The following CLASP1 variants were observed in gnomAD, a reference collection of about 807,000 sequenced individuals.
The protein encoded by CLASP1 is CLIP-associating protein 1.
Under a neutral mutation model 192.3 loss-of-function variants are expected in CLASP1, and 38 were observed. That is an observed-to-expected ratio of 0.20 (90% CI 0.15 to 0.26). The LOEUF is 0.26. CLASP1 is among the 10% of genes least tolerant of loss of function. The pLI is 1.00. For synonymous variants in CLASP1, 691 were observed against 712.8 expected (o/e 0.97, Z 0.49); for missense variants, 1,433 against 1,932.5 (o/e 0.74, Z 4.85).
intron 2 of CLASP1, among the ~76,000 whole-genome samples, chr2:121,584,301 C>T (rs573967131): frequency 6.6e-6 from 1 of 152,242 alleles, no homozygotes; most frequent in African/African-American, 2.4e-5. Context: ...GTTACTGCAG[C>T]AGAAACAGAC....
chr2:121,633,518 C>G (rs1286594100), intron 1 of CLASP1, among the ~76,000 whole-genome samples: 1 of 152,172 alleles, frequency 6.6e-6, no homozygotes, highest in East Asian at 1.9e-4. Context: ...GTCCTGATTT[C>G]ATCAACATCT....
chr2:121,356,020 G>A (rs1403898338), intron 37 of CLASP1, among the ~76,000 whole-genome samples: 1 of 152,144 alleles, frequency 6.6e-6, no homozygotes, highest in African/African-American at 2.4e-5. Context: ...TCAGAATACT[G>A]GTGAATGTTT....
intron 33 of CLASP1, among the ~76,000 whole-genome samples, chr2:121,381,695 C>T (rs1382768526): frequency 6.6e-6 from 1 of 152,144 alleles, no homozygotes; most frequent in Non-Finnish European, 1.5e-5. Context: ...TTGGGGACTC[C>T]TTTCTGGATC....
At chr2:121,345,331 T>C (rs1322611765) in intron 39 of CLASP1, among the ~76,000 whole-genome samples, 3 of 151,964 alleles carry the variant, frequency 2.0e-5, no homozygotes, top group Non-Finnish European at 4.4e-5. Flanking sequence ...CAGCAGCGGG[T>C]CAATTGCCAA....
intron 37 of CLASP1, 122 bp downstream of exon 38, chr2:121,363,050 A>G: frequency 8.0e-7 from 1 of 1,255,522 alleles, no homozygotes; most frequent in South Asian, 1.5e-5. Context: ...GTATTACGAC[A>G]TGGCTGAGTT....
At chr2:121,427,714 T>C (rs560428106) in intron 20 of CLASP1, among the ~76,000 whole-genome samples, 9 of 152,194 alleles carry the variant, frequency 5.9e-5, no homozygotes, top group African/African-American at 2.2e-4. Context: ...AGGGAAGTGA[T>C]TGTAACTTAC....
intron 6 of CLASP1, among the ~76,000 whole-genome samples, chr2:121,522,403 C>T (rs1300895268): frequency 6.6e-6 from 1 of 152,174 alleles, no homozygotes; most frequent in African/African-American, 2.4e-5. Flanking sequence ...CTCCAAACTC[C>T]TGACCAAAGC....
intron 36 of CLASP1, chr2:121,364,860 A>C: frequency 1.8e-6 from 1 of 546,692 alleles, no homozygotes; most frequent in Non-Finnish European, 3.3e-6. Context: ...TTCCTCAACT[A>C]CTATAAACCC....
rs190481389 is a variant in CLASP1, at chr2:121,398,935, G to A, written c.2901-535C>T. On this transcript the variant is annotated intron_variant, in intron 28 of 39. Transcript: ENST00000263710. ...AGCTACAAATCACACACAGAAGCCT[G>A]GGGTCCCAGAAGCCCCTTCTCTCTC... 2.0e-5 allele frequency among the ~76,000 whole-genome samples: 3 copies of A among 152,316 alleles called. No individual in the cohort carries two copies. The East Asian group carries it at 5.8e-4, about 29-fold the overall frequency.
At chr2:121,547,707 C>T (rs540758287) in intron 2 of CLASP1, among the ~76,000 whole-genome samples, 8 of 152,234 alleles carry the variant, frequency 5.3e-5, no homozygotes, top group East Asian at 1.9e-4. Context: ...AGAGGGAACA[C>T]GGCTGCAACT....
intron 32 of CLASP1, 25 bp from the exon 34 acceptor site, chr2:121,382,349 C>G (rs1379994398): frequency 5.5e-6 from 8 of 1,443,166 alleles, no homozygotes; most frequent in Middle Eastern, 1.8e-4. Flanking sequence ...AGAGGAAAAT[C>G]AGAGAGAGAA....
intron 8 of CLASP1, among the ~76,000 whole-genome samples, chr2:121,474,114 G>T (rs1338622378): frequency 1.3e-5 from 2 of 151,788 alleles, no homozygotes; most frequent in East Asian, 3.9e-4. Context: ...TATAAAAGAT[G>T]ACTGACTGTT....
At chr2:121,465,610 G>C (rs999079124) in intron 9 of CLASP1, among the ~76,000 whole-genome samples, 2 of 152,092 alleles carry the variant, frequency 1.3e-5, no homozygotes, top group African/African-American at 4.8e-5. Flanking sequence ...GTAATTTATA[G>C]ATTCAATGCC....
intron 8 of CLASP1, among the ~76,000 whole-genome samples, chr2:121,496,670 G>C (rs2093548078): frequency 6.6e-6 from 1 of 152,132 alleles, no homozygotes; most frequent in Non-Finnish European, 1.5e-5. Context: ...AGCAAAAACA[G>C]GCACACAGTC....
At chr2:121,353,876 G>T (rs779030211) in intron 37 of CLASP1, among the ~76,000 whole-genome samples, 1 of 152,086 alleles carries the variant, frequency 6.6e-6, no homozygotes, top group Non-Finnish European at 1.5e-5. Context: ...CTGCAGCCTC[G>T]ATCTCCTGGG....
At chr2:121,470,393 C>T in intron 8 of CLASP1, 2 of 450,440 alleles carry the variant, frequency 4.4e-6, no homozygotes, top group South Asian at 3.2e-5. Flanking sequence ...AGGCATGAGC[C>T]ACTGTACTTG....
At chr2:121,338,135 T>G (rs1002494344) in exon 40 of CLASP1, 32 of 152,242 alleles carry the variant, frequency 2.1e-4, no homozygotes, top group African/African-American at 7.5e-4. Context: ...TTGCTGTCCT[T>G]TAAAGTGTAA....
chr2:121,447,002 G>C (rs2084468004), intron 19 of CLASP1, among the ~76,000 whole-genome samples: 1 of 152,156 alleles, frequency 6.6e-6, no homozygotes, highest in Admixed American at 6.5e-5. Flanking sequence ...GTCAGAGGGG[G>C]AAAAAACTTA....
intron 2 of CLASP1, among the ~76,000 whole-genome samples, chr2:121,601,853 C>A (rs1338218143): frequency 6.6e-6 from 1 of 151,938 alleles, no homozygotes; most frequent in East Asian, 1.9e-4. Flanking sequence ...TATACACCAA[C>A]AACAAACTAG....
Sources: allele counts gnomAD v4.1 joint callset (sites outside exome capture counted in the v4.1 genomes callset), GRCh38; gene constraint gnomAD v4.1.1; transcripts MANE v1.5; gene names NCBI Gene and HGNC (gene_info 2026-07-23, HGNC 2026-07-21).